Variants in PKN2 observed in about 807,000 individuals in gnomAD.
PKN2 encodes protein kinase N2.
A neutral mutation model predicts 119.1 loss-of-function variants in PKN2; 38 were observed. The ratio of observed to expected loss-of-function variants is 0.32; its 90% confidence interval spans 0.25 to 0.42. The LOEUF is 0.42. Ranked by LOEUF, PKN2 falls within the 10% of genes least tolerant of loss-of-function variation. The pLI is 1.00. For missense variants in PKN2, 850 were observed against 1,165.1 expected (o/e 0.73, Z 3.94); for synonymous variants, 390 against 384.9 (o/e 1.01, Z -0.15).
At chr1:88,764,220 TC>T (rs1669567963) in intron 3 of PKN2, among the ~76,000 whole-genome samples, 1 of 152,164 alleles carries the variant, frequency 6.6e-6, no homozygotes, top group African/African-American at 2.4e-5. Context: ...GCAAGCACAC[TC>T]TTACCTCAGG....
chr1:88,692,942 T>C (rs1666388109), intron 1 of PKN2, among the ~76,000 whole-genome samples: 1 of 152,356 alleles, frequency 6.6e-6, no homozygotes, highest in East Asian at 1.9e-4. Context: ...TAAAGTTATA[T>C]TAATAGTTTA....
At chr1:88,759,176 A>C (rs903347870) in intron 2 of PKN2, among the ~76,000 whole-genome samples, 2 of 151,234 alleles carry the variant, frequency 1.3e-5, no homozygotes, top group Non-Finnish European at 2.9e-5. Context: ...CAGCCTGACC[A>C]ACATGGTGAA....
intron 15 of PKN2, among the ~76,000 whole-genome samples, 189 bp downstream of exon 15, chr1:88,807,964 C>T (rs533441028): frequency 2.0e-5 from 3 of 151,950 alleles, no homozygotes; most frequent in South Asian, 2.1e-4. Context: ...CTTCTTGTGA[C>T]AATTAACTGG....
chr1:88,833,084 GAAGA>G lies in PKN2; in HGVS notation c.2681_2684del (p.Arg894IlefsTer16). On this transcript the variant is annotated frameshift_variant, in exon 21 of 22. Coordinates refer to ENST00000370521, the MANE Select transcript of PKN2 (RefSeq NM_006256.4). LOFTEE classifies it high-confidence loss of function. ...TATTTTACATTATGCTAGCTGTTAA[GAAGA>G]AATCCTGAACGGCGCCTTGGGGCTA... 6.2e-7 allele frequency: 1 copy of G among 1,610,786 alleles called. No individual in the cohort carries two copies. Among genetic ancestry groups the G allele is most frequent in the South Asian group, 1.1e-5 (1 of 90,526 alleles).
At chr1:88,717,561 T>TCC (rs1667505287) in intron 1 of PKN2, among the ~76,000 whole-genome samples, 2 of 151,870 alleles carry the variant, frequency 1.3e-5, no homozygotes, top group Admixed American at 1.3e-4. Flanking sequence ...ATCACTGATA[T>TCC]CCTTTCTTCT....
chr1:88,694,721 A>G (rs1352318930), intron 1 of PKN2, among the ~76,000 whole-genome samples: 1 of 152,184 alleles, frequency 6.6e-6, no homozygotes, highest in Non-Finnish European at 1.5e-5. Context: ...TTGTATTCCT[A>G]CCAACAATAA....
chr1:88,715,460 A>G (rs1667409543), intron 1 of PKN2, among the ~76,000 whole-genome samples: 1 of 152,118 alleles, frequency 6.6e-6, no homozygotes, highest in African/African-American at 2.4e-5. Flanking sequence ...TTATTGGTCT[A>G]TTCAGGGATT....
chr1:88,764,046 T>C (rs1451402023), intron 3 of PKN2, among the ~76,000 whole-genome samples: 1 of 152,188 alleles, frequency 6.6e-6, no homozygotes, highest in Non-Finnish European at 1.5e-5. Context: ...ATTTTCACCC[T>C]CCTGCTTCAA....
intron 1 of PKN2, among the ~76,000 whole-genome samples, chr1:88,710,086 G>A (rs1311208721): frequency 6.6e-6 from 1 of 152,222 alleles, no homozygotes; most frequent in African/African-American, 2.4e-5. Context: ...ACTACCTCAA[G>A]TGGTGATGTG....
At chr1:88,757,723 A>G (rs1216349140) in intron 2 of PKN2, among the ~76,000 whole-genome samples, 1 of 152,116 alleles carries the variant, frequency 6.6e-6, no homozygotes, top group Non-Finnish European at 1.5e-5. Context: ...TAAACTTAAA[A>G]TATGAAGAAT....
At chr1:88,799,776 G>T (rs1029874018) in intron 8 of PKN2, among the ~76,000 whole-genome samples, 4 of 152,164 alleles carry the variant, frequency 2.6e-5, no homozygotes, top group African/African-American at 9.7e-5. Flanking sequence ...CTTGTCCTCA[G>T]ATTCTTTTCA....
intron 1 of PKN2, among the ~76,000 whole-genome samples, chr1:88,715,034 G>T (rs1409846309): frequency 6.6e-6 from 1 of 152,124 alleles, no homozygotes; most frequent in African/African-American, 2.4e-5. Flanking sequence ...AGATAATCAT[G>T]TGGCTTTTGT....
chr1:88,734,764 T>C (rs1000032077), intron 1 of PKN2, among the ~76,000 whole-genome samples: 1 of 152,186 alleles, frequency 6.6e-6, no homozygotes, highest in East Asian at 1.9e-4. Context: ...GTATTTCTTA[T>C]AGGTTTTTGC....
intron 1 of PKN2, among the ~76,000 whole-genome samples, chr1:88,687,614 T>C (rs1379212428): frequency 6.6e-6 from 1 of 152,218 alleles, no homozygotes; most frequent in East Asian, 1.9e-4. Context: ...TATTGGAGAT[T>C]CATTTTCTTC....
At chr1:88,745,799 C>T (rs905922014) in intron 2 of PKN2, among the ~76,000 whole-genome samples, 6 of 152,054 alleles carry the variant, frequency 3.9e-5, no homozygotes, top group African/African-American at 1.4e-4. Flanking sequence ...AAGAACAAAA[C>T]TAGAAGCATC....
At chr1:88,700,708 T>G (rs144501927) in intron 1 of PKN2, among the ~76,000 whole-genome samples, 5 of 152,348 alleles carry the variant, frequency 3.3e-5, no homozygotes, top group Non-Finnish European at 7.3e-5. Flanking sequence ...GGCTTTCATG[T>G]CACGTAAAAC....
At chr1:88,726,040 A>G (rs1667885787) in intron 1 of PKN2, among the ~76,000 whole-genome samples, 1 of 152,186 alleles carries the variant, frequency 6.6e-6, no homozygotes, top group African/African-American at 2.4e-5. Context: ...TTATTTTTGT[A>G]TATGGCTCTT....
At chr1:88,763,035 A>T (rs961841396) in intron 3 of PKN2, among the ~76,000 whole-genome samples, 1 of 152,214 alleles carries the variant, frequency 6.6e-6, no homozygotes, top group Non-Finnish European at 1.5e-5. Flanking sequence ...ATTAAAAGCC[A>T]TAGGGAAACA....
At chr1:88,739,408 C>T (rs1035242281) in intron 1 of PKN2, among the ~76,000 whole-genome samples, 18 of 152,090 alleles carry the variant, frequency 1.2e-4, no homozygotes, top group Admixed American at 1.1e-3. Context: ...GACGAGATCC[C>T]GTATCACCCA....
Sources: allele counts gnomAD v4.1 joint callset (sites outside exome capture counted in the v4.1 genomes callset), GRCh38; gene constraint gnomAD v4.1.1; transcripts MANE v1.5; gene names NCBI Gene and HGNC (gene_info 2026-07-23, HGNC 2026-07-21).